Variants in ADGRF1 observed in about 807,000 individuals in gnomAD.
ADGRF1 encodes the protein adhesion G protein-coupled receptor F1, also known as G protein-coupled receptor 110.
ADGRF1 carries 85 observed loss-of-function variants against 87.2 expected under a neutral mutation model. The ratio of observed to expected loss-of-function variants is 0.97; its 90% CI spans 0.82 to 1.17. ADGRF1 has a LOEUF of 1.17. ADGRF1 is among the 50% of genes most tolerant of loss of function. ADGRF1 has a pLI of 0.00. For synonymous variants in ADGRF1, 430 were observed against 408.8 expected (o/e 1.05, Z -0.63); for missense variants, 1,169 against 1,077.2 (o/e 1.09, Z -1.19).
intron 8 of ADGRF1, among the ~76,000 whole-genome samples, chr6:47,016,124 ATGT>A (rs574453360): frequency 3.3e-5 from 5 of 152,208 alleles, no homozygotes; most frequent in East Asian, 1.9e-4. Flanking sequence ...TATAGAATAA[ATGT>A]TGTTGAAAGA....
intron 1 of ADGRF1, among the ~76,000 whole-genome samples, chr6:47,029,598 G>A (rs1159958500): frequency 2.6e-5 from 4 of 151,990 alleles, no homozygotes; most frequent in Non-Finnish European, 4.4e-5. Context: ...AGATGTCCTC[G>A]AGTTTATGGT....
chr6:47,009,186 G>A lies in ADGRF1; in HGVS notation c.2249C>T (p.Pro750Leu). Residue 750 changes from proline (P) to leucine (L), a missense_variant, in exon 11 of 15, where the codon CCT becomes CTT. Transcript: ENST00000371253. ...GTTCACAGCCACAATAGCCAGTGCA[G>A]GGACAACAAAAGCCAGGAGTGGTTT... is the stretch of plus-strand genomic sequence containing the variant. The part of the protein sequence containing the change: ...GSKPLLAFVV[P>L]ALAIVAVNFV... The A allele has an allele frequency of 6.2e-7, 1 of 1,614,172 alleles. No individual in the cohort carries two copies. Among genetic ancestry groups the A allele is most frequent in the South Asian group, 1.1e-5 (1 of 91,078 alleles).
chr6:47,033,855 T>C (rs901986727), intron 1 of ADGRF1, among the ~76,000 whole-genome samples: 4 of 152,152 alleles, frequency 2.6e-5, no homozygotes, highest in East Asian at 1.9e-4. Context: ...GCTGAGAAAA[T>C]AGGTGGGAGG....
Position 47,028,994 on chromosome 6 carries a change from C to T in ADGRF1, c.68G>A (p.Gly23Glu), listed in dbSNP as rs1352389832. ...ATATGAGACATAGCACCAACTCACCCCCAGGAAGCCACCGTGGCCGTCAGT... is the reference window on the plus strand; with the variant it reads ...ATATGAGACATAGCACCAACTCACCTCCAGGAAGCCACCGTGGCCGTCAGT... ...TFTDGHGGFL[G>E]KNDGIKTKKE... Residue 23 changes from glycine (G) to glutamate (E), a missense_variant and splice_region_variant, in exon 2 of 15, where the codon GGG (glycine) becomes GAG (glutamate). By Grantham distance (98) the Gly-to-Glu change is moderately conservative. Transcript: ENST00000371253. The T allele has an allele frequency of 1.4e-5, 22 of 1,613,478 alleles. No individual in the cohort carries two copies. Among genetic ancestry groups the T allele is most frequent in the Non-Finnish European group, 1.8e-5 (21 of 1,179,576 alleles).
intron 13 of ADGRF1, among the ~76,000 whole-genome samples, chr6:47,003,926 C>G (rs577550452): frequency 3.3e-5 from 5 of 152,304 alleles, no homozygotes; most frequent in Middle Eastern, 6.8e-3. Flanking sequence ...CATGTTGCTC[C>G]TCCTGCATCA....
rs892929187 is a variant in ADGRF1 at position 47,011,862 on chromosome 6, A to G, written c.1116+145T>C. 1.2e-5 allele frequency: 8 copies of G among 684,230 alleles called. No homozygotes were observed. The African/African-American group carries it at 1.4e-4, about 12-fold the overall frequency. 42.4% of individuals were successfully genotyped at this position (684,230 alleles called of 1,614,324 possible). ...ACTATTGATCCCGAGTTCCTTGTATACCTCAGAGGAAGCAGTAAAGTTCAC... is the reference window on the plus strand; with the variant it reads ...ACTATTGATCCCGAGTTCCTTGTATGCCTCAGAGGAAGCAGTAAAGTTCAC... On this transcript the variant is annotated intron_variant, in intron 10 of 14. Coordinates refer to ENST00000371253, the MANE Select transcript of ADGRF1 (RefSeq NM_153840.4).
Position 47,009,284 on chromosome 6 carries a change from G to A in ADGRF1, c.2151C>T (p.Thr717=). ...TATTGCTAGGTTGCGTGACAGCAAT[G>A]GTAATGACAGATATAATGAGAGGGC... ...YGCPLIISVI[T]IAVTQPSNTY... is the part of the protein sequence containing the mutation. The change falls in exon 11 of 15, where the codon ACC becomes ACT. Residue 717 remains threonine, a synonymous_variant. Coordinates refer to ENST00000371253, the MANE Select transcript of ADGRF1 (RefSeq NM_153840.4). 2 of 1,614,138 alleles carry A rather than the reference G, an allele frequency of 1.2e-6. No homozygotes were observed. The highest frequency in any genetic ancestry group is 1.7e-6 in the Non-Finnish European group (2 of 1,180,006).
intron 5 of ADGRF1, among the ~76,000 whole-genome samples, chr6:47,022,947 A>G (rs1205699385): frequency 1.3e-5 from 2 of 151,650 alleles, no homozygotes; most frequent in East Asian, 3.9e-4. Context: ...CTGGTACTAC[A>G]GGCACACACC....
intron 5 of ADGRF1, 116 bp from the exon 6 acceptor site, chr6:47,022,174 T>G: frequency 3.2e-6 from 2 of 615,440 alleles, no homozygotes; most frequent in South Asian, 4.2e-5. Flanking sequence ...ATGTTTCAAA[T>G]TTTTTTCATA....
chr6:46,998,499 C>T lies in ADGRF1; in HGVS notation c.*1723G>A, dbSNP rs1038642635. 12 of 152,206 alleles carry T rather than the reference C, an allele frequency of 7.9e-5. No individual in the cohort carries two copies. The highest frequency in any genetic ancestry group is 1.8e-4 in the Non-Finnish European group (12 of 68,076). 9.4% of individuals were successfully genotyped at this position (152,206 alleles called of 1,614,324 possible). A position where few individuals can be genotyped will look rare whatever the true frequency, so the allele number is the denominator to read the frequency against. On this transcript the variant is annotated 3_prime_UTR_variant, in exon 15 of 15. Transcript: ENST00000371253. The stretch of plus-strand genomic sequence containing the variant: ...CATGGGAAACACACACATCCATTGC[C>T]CTGACAAACACTAGACATACAGGCT...
intron 9 of ADGRF1, 138 bp from the exon 10 acceptor site, chr6:47,012,333 CA>C (rs940591109): frequency 2.6e-5 from 36 of 1,399,860 alleles, no homozygotes; most frequent in Non-Finnish European, 2.8e-5. Context: ...ACAATAGTAA[CA>C]AAGGCTGTTA....
Position 47,018,266 on chromosome 6 carries a change from A to G in ADGRF1, c.612-1498T>C, listed in dbSNP as rs766168161. The G allele has an allele frequency of 2.2e-4, 147 of 653,348 alleles. 1 individual carries two copies. The highest frequency in any genetic ancestry group is 3.0e-4 in the Non-Finnish European group (134 of 453,198). The allele number at this position is 653,348 out of a possible 1,614,324, so 40.5% of individuals were successfully genotyped here. Reference sequence around the variant, plus strand: ...ACATGAAAGCACATGAGATCAATACATTAAGTCAATCCTGCAATAACTCAT... The same window carrying G: ...ACATGAAAGCACATGAGATCAATACGTTAAGTCAATCCTGCAATAACTCAT... On this transcript the variant is annotated intron_variant, in intron 7 of 14. Transcript: ENST00000371253.
At position 47,001,559 on chromosome 6, in the gene ADGRF1, T is replaced by C. The variant is rs756531837; in HGVS notation, c.2601A>G (p.Ser867=). Residue 867 remains serine (S), a synonymous_variant, in exon 14 of 15, where the codon TCA becomes TCG. Transcript: ENST00000371253. ...SSWKQTEKQN[S]SDLSAKPKFS... The stretch of plus-strand genomic sequence containing the variant: ...ATTTGGGTTTGGCAGATAAATCTGA[T>C]GAGTTTTGCTGCACAAAATAAAAAT... The C allele has an allele frequency of 3.1e-6, 5 of 1,613,638 alleles. No homozygotes were observed. The highest frequency in any genetic ancestry group is 4.5e-5 in the East Asian group (2 of 44,846).
intron 1 of ADGRF1, among the ~76,000 whole-genome samples, chr6:47,041,513 A>C (rs781286005): frequency 2.6e-5 from 4 of 152,216 alleles, no homozygotes; most frequent in Non-Finnish European, 4.4e-5. Flanking sequence ...TATCAGGTTT[A>C]CATAAATGGA....
At chr6:47,025,537 G>A (rs1456936171) in intron 4 of ADGRF1, among the ~76,000 whole-genome samples, 1 of 152,148 alleles carries the variant, frequency 6.6e-6, no homozygotes, top group Non-Finnish European at 1.5e-5. Flanking sequence ...CCAAAAAGTT[G>A]TTGGCAGAGT....
chr6:47,024,977 T>C (rs951234218), intron 4 of ADGRF1, among the ~76,000 whole-genome samples: 2 of 152,172 alleles, frequency 1.3e-5, no homozygotes, highest in South Asian at 4.1e-4. Flanking sequence ...CACCATCTCA[T>C]TGGAGGCTCC....
intron 13 of ADGRF1, among the ~76,000 whole-genome samples, chr6:47,004,496 T>C (rs1779459107): frequency 6.6e-6 from 1 of 152,210 alleles, no homozygotes; most frequent in South Asian, 2.1e-4. Context: ...TAGGCATTCT[T>C]GCTTTTGCTT....
At chr6:47,038,141 G>T (rs1011598855) in intron 1 of ADGRF1, among the ~76,000 whole-genome samples, 1 of 152,202 alleles carries the variant, frequency 6.6e-6, no homozygotes, top group Non-Finnish European at 1.5e-5. Context: ...GATTACAGGC[G>T]TGAGGCACCG....
chr6:47,024,986 C>T (rs1031555971), intron 4 of ADGRF1, among the ~76,000 whole-genome samples: 6 of 152,194 alleles, frequency 3.9e-5, no homozygotes, highest in African/African-American at 7.2e-5. Flanking sequence ...ATTGGAGGCT[C>T]CTTTCTATCC....
Sources: allele counts gnomAD v4.1 joint callset (sites outside exome capture counted in the v4.1 genomes callset), GRCh38; gene constraint gnomAD v4.1.1; transcripts MANE v1.5; gene names NCBI Gene and HGNC (gene_info 2026-07-23, HGNC 2026-07-21).